The following MAGI3 variants were observed in gnomAD, a reference collection of about 807,000 sequenced individuals.
MAGI3 encodes the protein membrane-associated guanylate kinase, WW and PDZ domain-containing protein 3.
MAGI3 carries 43 observed loss-of-function variants against 121.8 expected under a neutral mutation model. The observed-to-expected ratio is 0.35, with a 90% CI of 0.28 to 0.46. MAGI3 has a LOEUF of 0.46. MAGI3 is among the 20% of genes least tolerant of loss of function. The pLI is 1.00. For missense variants in MAGI3, 1,547 were observed against 1,797.3 expected, an observed-to-expected ratio of 0.86 and a Z score of 2.52; for synonymous variants, 553 against 639.3, an observed-to-expected ratio of 0.86 and a Z score of 2.04.
rs1046300255 is a variant in MAGI3 at position 113,523,902 on chromosome 1, G to T, written c.317-25613G>T. Among the ~76,000 whole-genome samples, 6 of 152,254 alleles carry T rather than the reference G, an allele frequency of 3.9e-5. No individual in the cohort carries two copies. The South Asian group carries it at 1.2e-3, about 32-fold the overall frequency. On this transcript the variant is annotated intron_variant, in intron 1 of 20. Transcript: ENST00000307546. ...ATTGCGGCAGCCCCTTCCATCACAG[G>T]CCTGGAGACCGAGGAGGAAAAAATT...
At position 113,548,673 on chromosome 1, in the gene MAGI3, A is replaced by G. The variant is rs144829187; in HGVS notation, c.317-842A>G. ...TTCTAGTCCCTGTTCGGGATTTTAG[A>G]TTTTGTTGCAAGTATAAGATATCTG... is the stretch of plus-strand genomic sequence containing the variant. On this transcript the variant is annotated intron_variant, in intron 1 of 20. Transcript: ENST00000307546. 2.5e-3 allele frequency among the ~76,000 whole-genome samples: 383 copies of G among 152,312 alleles called. 3 individuals carry two copies. The highest frequency in any genetic ancestry group is 3.9e-3 in the Non-Finnish European group (264 of 68,022).
At chr1:113,463,177 C>T (rs1441924707) in intron 1 of MAGI3, among the ~76,000 whole-genome samples, 1 of 151,912 alleles carries the variant, frequency 6.6e-6, no homozygotes, top group African/African-American at 2.4e-5. Flanking sequence ...TTAAATATCC[C>T]ATTGGAGATG....
At chr1:113,591,169 T>C (rs1648669520) in intron 5 of MAGI3, among the ~76,000 whole-genome samples, 3 of 152,086 alleles carry the variant, frequency 2.0e-5, no homozygotes, top group Admixed American at 2.0e-4. Flanking sequence ...AAAACATTAT[T>C]TTTATGGAAA....
chr1:113,412,992 A>G (rs1259994007), intron 1 of MAGI3, among the ~76,000 whole-genome samples: 2 of 152,144 alleles, frequency 1.3e-5, no homozygotes, highest in Non-Finnish European at 2.9e-5. Flanking sequence ...GTTTTCTTCT[A>G]GGGTTTTTAT....
At chr1:113,581,993 C>T (rs1227714058) in intron 3 of MAGI3, among the ~76,000 whole-genome samples, 1 of 151,822 alleles carries the variant, frequency 6.6e-6, no homozygotes, top group African/African-American at 2.4e-5. Flanking sequence ...TGAAGATGCT[C>T]TACATTTTCT....
chr1:113,665,536 T>C (rs1285498583), intron 16 of MAGI3, among the ~76,000 whole-genome samples: 3 of 152,098 alleles, frequency 2.0e-5, no homozygotes, highest in Admixed American at 6.5e-5. Flanking sequence ...CCAAAAAAAA[T>C]CAAAGTGCAG....
chr1:113,457,923 G>T (rs892900954), intron 1 of MAGI3, among the ~76,000 whole-genome samples: 1 of 152,164 alleles, frequency 6.6e-6, no homozygotes, highest in East Asian at 1.9e-4. Flanking sequence ...AAAGAACTAT[G>T]TGGTGACAAT....
chr1:113,681,393 GA>G, intron 20 of MAGI3, 57 bp downstream of exon 20: 1 of 1,548,810 alleles, frequency 6.5e-7, no homozygotes, highest in South Asian at 1.2e-5. Context: ...GGGGACAGAA[GA>G]AAAAGGAATA....
intron 10 of MAGI3, among the ~76,000 whole-genome samples, chr1:113,642,836 A>T (rs1314675771): frequency 6.6e-6 from 1 of 152,170 alleles, no homozygotes; most frequent in Non-Finnish European, 1.5e-5. Flanking sequence ...TCTTAATTTC[A>T]TTTCTCTGTT....
At chr1:113,505,631 G>A (rs748139951) in intron 1 of MAGI3, among the ~76,000 whole-genome samples, 55 of 151,960 alleles carry the variant, frequency 3.6e-4, no homozygotes, top group Non-Finnish European at 1.5e-4. Flanking sequence ...GAGCAGGGAA[G>A]GGAAAAGGAG....
At chr1:113,547,557 C>T (rs375813235) in intron 1 of MAGI3, among the ~76,000 whole-genome samples, 49 of 152,230 alleles carry the variant, frequency 3.2e-4, no homozygotes, top group Non-Finnish European at 5.6e-4. Context: ...TAGCGATCTA[C>T]GAAAACTTTT....
Position 113,646,494 on chromosome 1 carries a change from TA to T in MAGI3, c.2012del (p.Lys671ArgfsTer10). ...PTKTAKMKTDKKENAGSLEAI... is the reference protein window; with the variant it reads ...PTKTAKMKTDXKENAGSLEAI... ...GCTCTTTTCCATTTCAGAAAACAGA[TA>T]AAAAGGAAAATGCAGGAAGTTTGGA... is the stretch of plus-strand genomic sequence containing the variant. On this transcript the variant is annotated frameshift_variant, in exon 12 of 21. Coordinates refer to ENST00000307546, the MANE Select transcript of MAGI3 (RefSeq NM_001142782.2). LOFTEE classifies it high-confidence loss of function. The T allele has an allele frequency of 1.3e-6, 2 of 1,592,396 alleles. No homozygotes were observed. The highest frequency in any genetic ancestry group is 8.5e-7 in the Non-Finnish European group (1 of 1,173,292).
chr1:113,662,078 A>G (rs6678422), intron 16 of MAGI3, among the ~76,000 whole-genome samples: 19,470 of 152,258 alleles, frequency 0.13, 1,319 homozygotes, highest in East Asian at 0.19. Flanking sequence ...CCACACATTC[A>G]GATCAATACC....
At chr1:113,437,805 T>TC (rs1557756788) in intron 1 of MAGI3, among the ~76,000 whole-genome samples, 15 of 132,500 alleles carry the variant, frequency 1.1e-4, no homozygotes, top group Admixed American at 4.2e-4. Flanking sequence ...TTCTTTCTTC[T>TC]TTTCTTCTTC....
intron 9 of MAGI3, among the ~76,000 whole-genome samples, chr1:113,634,740 T>G (rs890529691): frequency 2.0e-5 from 3 of 152,192 alleles, no homozygotes; most frequent in Non-Finnish European, 2.9e-5. Flanking sequence ...CCATATGAAC[T>G]TTAAAGTAGT....
intron 1 of MAGI3, among the ~76,000 whole-genome samples, chr1:113,495,309 T>C (rs1277204912): frequency 1.3e-5 from 2 of 152,128 alleles, no homozygotes; most frequent in African/African-American, 4.8e-5. Context: ...ATTTTTAGCT[T>C]GTAGACTTCC....
chr1:113,398,213 C>T (rs989704067), intron 1 of MAGI3, among the ~76,000 whole-genome samples: 5 of 152,234 alleles, frequency 3.3e-5, no homozygotes, highest in East Asian at 3.9e-4. Flanking sequence ...AGAAAGGACA[C>T]GCTGTCCTTA....
At chr1:113,517,702 T>TCA (rs2101622102) in intron 1 of MAGI3, among the ~76,000 whole-genome samples, 1 of 152,032 alleles carries the variant, frequency 6.6e-6, no homozygotes, top group East Asian at 1.9e-4. Flanking sequence ...ATTCAAAATC[T>TCA]TTAGGCTGAT....
Position 113,549,577 on chromosome 1 carries a change from G to T in MAGI3, c.379G>T (p.Asp127Tyr). Residue 127 changes from aspartate to tyrosine, a missense_variant, in exon 2 of 21, where the codon GAC becomes TAC. Asp to Tyr is a radical substitution (Grantham distance 160). Coordinates refer to ENST00000307546, the MANE Select transcript of MAGI3 (RefSeq NM_001142782.2). ...TCTTCAGTTTCAAAAAGGATCAATT[G>T]ACCACAAACTGCAGCAAGTGATCAG... is the stretch of plus-strand genomic sequence containing the variant. ...LSLQFQKGSIDHKLQQVIRDN... is the reference protein window; with the variant it reads ...LSLQFQKGSIYHKLQQVIRDN... 2 of 1,607,392 alleles carry T rather than the reference G, an allele frequency of 1.2e-6. No homozygotes were observed. The highest frequency in any genetic ancestry group is 2.2e-5 in the South Asian group (2 of 90,080).
Sources: gnomAD v4.1 joint callset for allele counts (sites outside exome capture counted in the v4.1 genomes callset) on GRCh38, gnomAD v4.1.1 for gene constraint, MANE v1.5 for transcripts, NCBI Gene and HGNC (gene_info 2026-07-23, HGNC 2026-07-21) for gene names.